SAP130: variants seen among roughly 807,000 people sequenced by gnomAD.
SAP130 encodes histone deacetylase complex subunit SAP130.
SAP130 carries 16 observed loss-of-function variants against 103.2 expected under a neutral mutation model. That is an observed-to-expected ratio of 0.16 (90% CI 0.10 to 0.24). The LOEUF (loss-of-function observed/expected upper bound fraction) is 0.24. SAP130 is among the 10% of genes least tolerant of loss of function. The pLI is 1.00. For missense variants in SAP130, 990 were observed against 1,359.7 expected (o/e 0.73, Z 4.28); for synonymous variants, 477 against 497.0 (o/e 0.96, Z 0.53).
intron 15 of SAP130, among the ~76,000 whole-genome samples, chr2:127,970,152 T>G (rs1453241988): frequency 7.4e-6 from 1 of 135,342 alleles, no homozygotes; most frequent in Non-Finnish European, 1.6e-5. Flanking sequence ...CTCTTGAACC[T>G]GGGAGGCAGA....
intron 15 of SAP130, among the ~76,000 whole-genome samples, chr2:127,975,474 C>T (rs531960569): frequency 6.6e-6 from 1 of 152,152 alleles, no homozygotes; most frequent in South Asian, 2.1e-4. Flanking sequence ...GGTAAAGTAG[C>T]TTTAATATAA....
chr2:127,946,076 CAG>C (rs1679056844), intron 18 of SAP130, among the ~76,000 whole-genome samples: 1 of 152,294 alleles, frequency 6.6e-6, no homozygotes, highest in African/African-American at 2.4e-5. Context: ...GGCTGTCACT[CAG>C]AGAGAAGCTT....
intron 7 of SAP130, among the ~76,000 whole-genome samples, chr2:128,002,140 T>C (rs1683606838): frequency 6.6e-6 from 1 of 152,218 alleles, no homozygotes; most frequent in Admixed American, 6.5e-5. Flanking sequence ...TTGGCCAAGA[T>C]GGTCTTGATC....
At chr2:128,009,963 T>C (rs187936640) in intron 7 of SAP130, among the ~76,000 whole-genome samples, 41 of 152,282 alleles carry the variant, frequency 2.7e-4, no homozygotes, top group South Asian at 1.0e-3. Flanking sequence ...TACATGAAAC[T>C]GTAAGTCCCC....
chr2:128,027,875 C>G (rs1057375968), intron 1 of SAP130, 65 bp downstream of exon 1: 2 of 951,550 alleles, frequency 2.1e-6, no homozygotes, highest in Non-Finnish European at 2.5e-6. Context: ...ACGCTGCAGC[C>G]CGGCTCAGCC....
chr2:127,998,163 G>C (rs1683303074), intron 10 of SAP130, among the ~76,000 whole-genome samples: 2 of 151,402 alleles, frequency 1.3e-5, no homozygotes, highest in African/African-American at 4.9e-5. Flanking sequence ...AAAAACCAAG[G>C]AACTATATAG....
At chr2:128,005,620 A>C (rs1024048949) in intron 7 of SAP130, among the ~76,000 whole-genome samples, 2 of 152,084 alleles carry the variant, frequency 1.3e-5, no homozygotes, top group South Asian at 2.1e-4. Flanking sequence ...AGAAAAAAAA[A>C]CAAACAAACT....
intron 19 of SAP130, among the ~76,000 whole-genome samples, chr2:127,943,014 T>A (rs1678816592): frequency 6.6e-6 from 1 of 151,436 alleles, no homozygotes; most frequent in South Asian, 2.1e-4. Context: ...AATAAATAAA[T>A]AAAATAAAAA....
At chr2:128,018,328 A>ACC (rs797014598) in intron 2 of SAP130, among the ~76,000 whole-genome samples, 14 of 148,120 alleles carry the variant, frequency 9.5e-5, no homozygotes, top group Admixed American at 8.6e-4. Context: ...AAAAAAAAAA[A>ACC]AAACAAACCA....
chr2:127,992,865 C>G (rs745858839), intron 12 of SAP130, among the ~76,000 whole-genome samples: 3 of 152,072 alleles, frequency 2.0e-5, no homozygotes, highest in Admixed American at 6.6e-5. Context: ...AAAATATAGC[C>G]AAGATTTGCA....
At chr2:127,967,728 T>C (rs765072701) in intron 15 of SAP130, among the ~76,000 whole-genome samples, 8 of 152,070 alleles carry the variant, frequency 5.3e-5, no homozygotes, top group Non-Finnish European at 1.0e-4. Flanking sequence ...CCACTTTCAA[T>C]AATGGATGAA....
intron 16 of SAP130, among the ~76,000 whole-genome samples, chr2:127,951,935 C>T (rs1039271189): frequency 3.3e-5 from 5 of 152,180 alleles, no homozygotes; most frequent in Non-Finnish European, 7.3e-5. Flanking sequence ...ACATGTTCAT[C>T]AAGTCCCACC....
At chr2:127,973,252 G>T (rs899922996) in intron 15 of SAP130, among the ~76,000 whole-genome samples, 2 of 152,150 alleles carry the variant, frequency 1.3e-5, no homozygotes, top group Non-Finnish European at 2.9e-5. Context: ...GTTGTTGTGA[G>T]ATGAACTTTC....
At chr2:127,968,733 C>T (rs1240749501) in intron 15 of SAP130, among the ~76,000 whole-genome samples, 18 of 152,070 alleles carry the variant, frequency 1.2e-4, no homozygotes, top group Non-Finnish European at 4.4e-5. Context: ...CCAGGCTAGT[C>T]TCAAACTCCT....
At chr2:128,006,586 G>T (rs1683988541) in intron 7 of SAP130, among the ~76,000 whole-genome samples, 1 of 152,148 alleles carries the variant, frequency 6.6e-6, no homozygotes, top group Non-Finnish European at 1.5e-5. Context: ...ACCAGCCTGG[G>T]CAACATAGGG....
At chr2:128,003,196 A>G (rs1683696990) in intron 7 of SAP130, among the ~76,000 whole-genome samples, 1 of 151,620 alleles carries the variant, frequency 6.6e-6, no homozygotes, top group Admixed American at 6.6e-5. Flanking sequence ...TGGGAGCAAA[A>G]GAAAGAGACT....
chr2:128,003,069 C>T (rs1398661155), intron 7 of SAP130, among the ~76,000 whole-genome samples: 1 of 151,794 alleles, frequency 6.6e-6, no homozygotes, highest in Non-Finnish European at 1.5e-5. Context: ...GCAGAGGTTA[C>T]AGTGAGCTGA....
rs1228418169 is a variant in SAP130, at chr2:127,986,110, A to G, written c.1958+675T>C. ...ACGTGTGATCCCATTCTTCCAGTAC[A>G]CCAAGGCAAGAACCCTGGGATACAG... On this transcript the variant is annotated intron_variant, in intron 14 of 20. Coordinates refer to ENST00000643581, the MANE Select transcript of SAP130 (RefSeq NM_001330301.2). The surrounding 1 kb of genome is among the most constrained non-coding windows in gnomAD (Gnocchi z 4.7). 6.6e-6 allele frequency among the ~76,000 whole-genome samples: 1 copy of G among 152,206 alleles called. No homozygotes were observed. The highest frequency in any genetic ancestry group is 1.5e-5 in the Non-Finnish European group (1 of 68,026).
rs927716097 is a variant in SAP130, at chr2:127,982,414, G to A, written c.1959-4325C>T. 1.6e-4 allele frequency among the ~76,000 whole-genome samples: 25 copies of A among 152,206 alleles called. 1 individual carries two copies. The highest frequency in any genetic ancestry group is 1.6e-3 in the Admixed American group (25 of 15,280). ...GAGCTTGTCTAGAGGAACAGACAGAGGCAGGACATGGGGTACTGCCACCGT... is the reference window on the plus strand; with the variant it reads ...GAGCTTGTCTAGAGGAACAGACAGAAGCAGGACATGGGGTACTGCCACCGT... On this transcript the variant is annotated intron_variant, in intron 14 of 20. Coordinates refer to ENST00000643581, the MANE Select transcript of SAP130 (RefSeq NM_001330301.2).
Sources: allele counts gnomAD v4.1 joint callset (sites outside exome capture counted in the v4.1 genomes callset), GRCh38; gene constraint gnomAD v4.1.1; non-coding constraint Gnocchi (gnomAD v3.1); transcripts MANE v1.5; gene names NCBI Gene and HGNC (gene_info 2026-07-23, HGNC 2026-07-21).